TMEM170A: variants seen among roughly 807,000 people sequenced by gnomAD.
TMEM170A encodes the protein transmembrane protein 170A.
Under a neutral mutation model 12.8 loss-of-function variants are expected in TMEM170A, and 18 were observed. The ratio of observed to expected loss-of-function variants is 1.41; its 90% CI spans 0.97 to 2.09. TMEM170A has a LOEUF of 2.09. Among genes scored for constraint, TMEM170A ranks in the 30% most tolerant of loss-of-function variants. TMEM170A has a pLI of 0.00. For missense variants in TMEM170A, 220 were observed against 179.9 expected, an observed-to-expected ratio of 1.22 and a Z score of -1.28; for synonymous variants, 107 against 76.2, an observed-to-expected ratio of 1.40 and a Z score of -2.11.
In TMEM170A at chr16:75,447,449, A is replaced by C; in HGVS notation, c.*109T>G. The C allele has an allele frequency of 8.0e-7, 1 of 1,248,880 alleles. No individual in the cohort carries two copies. Among genetic ancestry groups the C allele is most frequent in the Non-Finnish European group, 1.1e-6 (1 of 943,310 alleles). The allele number at this position is 1,248,880 out of a possible 1,614,324, so 77.4% of individuals were successfully genotyped here. A position where few individuals can be genotyped will look rare whatever the true frequency, so the allele number is the denominator to read the frequency against. ...TGTGTTGTCCTTCATGTTCCTGTTC[A>C]TCCAAGTTGCTTCCCTTTGAAGAAC... On this transcript the variant is annotated 3_prime_UTR_variant, in exon 3 of 3. Transcript: ENST00000561878.
chr16:75,453,644 C>T (rs547722491), intron 1 of TMEM170A, among the ~76,000 whole-genome samples: 20 of 152,304 alleles, frequency 1.3e-4, no homozygotes, highest in African/African-American at 1.9e-4. Flanking sequence ...CAAGCCATCA[C>T]CTCCTATTAG....
intron 1 of TMEM170A, 156 bp downstream of exon 1, chr16:75,464,312 G>T: frequency 6.9e-7 from 1 of 1,455,798 alleles, no homozygotes; most frequent in Non-Finnish European, 9.0e-7. Context: ...GATGGGGAAA[G>T]GGGCTCCGGG....
intron 1 of TMEM170A, among the ~76,000 whole-genome samples, chr16:75,452,071 A>C (rs867775121): frequency 1.4e-4 from 21 of 151,934 alleles, no homozygotes; most frequent in South Asian, 4.1e-4. Flanking sequence ...TCCTGGGTTC[A>C]CACGATTCTC....
At chr16:75,455,276 G>T (rs894267621) in intron 1 of TMEM170A, among the ~76,000 whole-genome samples, 5 of 150,048 alleles carry the variant, frequency 3.3e-5, no homozygotes, top group Non-Finnish European at 7.4e-5. Context: ...AGAATAGTGT[G>T]AACTCGGGAG....
At chr16:75,464,215 T>G (rs1023715879) in intron 1 of TMEM170A, 1 of 1,505,458 alleles carries the variant, frequency 6.6e-7, no homozygotes, top group Non-Finnish European at 8.8e-7. Flanking sequence ...CCGAGCGCCC[T>G]CCAGCCCCGG....
chr16:75,462,728 G>C (rs942806518), intron 1 of TMEM170A, among the ~76,000 whole-genome samples: 3 of 152,072 alleles, frequency 2.0e-5, no homozygotes, highest in African/African-American at 7.2e-5. Context: ...TGAAACTAAA[G>C]AGACGGACAA....
Position 75,464,638 on chromosome 16 carries a change from G to T in TMEM170A, c.-38C>A, listed in dbSNP as rs905118640. 13 of 1,552,350 alleles carry T rather than the reference G, an allele frequency of 8.4e-6. No individual in the cohort carries two copies. The highest frequency in any genetic ancestry group is 1.1e-5 in the Non-Finnish European group (13 of 1,155,278). On this transcript the variant is annotated 5_prime_UTR_variant, in exon 1 of 3. Coordinates refer to ENST00000561878, the MANE Select transcript of TMEM170A (RefSeq NM_145254.3). ...CACCACAGAGAAATGAGGGACGAGC[G>T]CCCGAAGTGCGGTAGCGGCCGGCGC...
chr16:75,463,160 C>G (rs1395914169), intron 1 of TMEM170A, among the ~76,000 whole-genome samples: 1 of 152,142 alleles, frequency 6.6e-6, no homozygotes, highest in East Asian at 1.9e-4. Flanking sequence ...ACTGTTCTCT[C>G]AACTGTTTGG....
chr16:75,451,535 G>C, intron 2 of TMEM170A, 134 bp downstream of exon 2: 1 of 913,476 alleles, frequency 1.1e-6, no homozygotes, highest in Non-Finnish European at 1.7e-6. Context: ...TGGTGACATA[G>C]GGAGACCCTG....
chr16:75,459,153 C>CA (rs1293229811), intron 1 of TMEM170A, among the ~76,000 whole-genome samples: 2 of 152,206 alleles, frequency 1.3e-5, no homozygotes, highest in African/African-American at 4.8e-5. Context: ...CTTGGCCTCC[C>CA]AAAGTGCTGG....
intron 1 of TMEM170A, among the ~76,000 whole-genome samples, chr16:75,461,232 T>C (rs1181218699): frequency 6.7e-6 from 1 of 148,990 alleles, no homozygotes; most frequent in African/African-American, 2.6e-5. Context: ...TTTTGTATTT[T>C]TAGTAGAGAT....
chr16:75,445,180 C>A lies in TMEM170A; in HGVS notation c.*2378G>T, dbSNP rs2079562765. The stretch of plus-strand genomic sequence containing the variant: ...TTTAAACAAAAAACTAGAATTTTTA[C>A]AATTTGCCTGTGAGAAAGATTTGAG... On this transcript the variant is annotated 3_prime_UTR_variant, in exon 3 of 3. Transcript: ENST00000561878. The A allele has an allele frequency of 6.6e-6, 1 of 152,204 alleles. No individual in the cohort carries two copies. Among genetic ancestry groups the A allele is most frequent in the African/African-American group, 2.4e-5 (1 of 41,448 alleles). The allele number at this position is 152,204 out of a possible 1,614,324, so 9.4% of individuals were successfully genotyped here.
At chr16:75,454,900 C>T (rs1381104449) in intron 1 of TMEM170A, among the ~76,000 whole-genome samples, 1 of 152,188 alleles carries the variant, frequency 6.6e-6, no homozygotes, top group Non-Finnish European at 1.5e-5. Context: ...TCCGGGGATA[C>T]ACCCCACAGA....
At chr16:75,449,537 T>C (rs1042311195) in intron 2 of TMEM170A, among the ~76,000 whole-genome samples, 5 of 152,128 alleles carry the variant, frequency 3.3e-5, no homozygotes, top group African/African-American at 1.2e-4. Context: ...AAGGCTGGTT[T>C]TGAACTCTTG....
At chr16:75,450,057 C>A (rs1436343279) in intron 2 of TMEM170A, among the ~76,000 whole-genome samples, 3 of 151,956 alleles carry the variant, frequency 2.0e-5, no homozygotes, top group Non-Finnish European at 4.4e-5. Context: ...GGTAGTATTA[C>A]CCCTATTTTA....
In TMEM170A at chr16:75,444,135, G is replaced by A. The variant is rs370457439; in HGVS notation, c.*3423C>T. 1 of 151,416 alleles carries A rather than the reference G, an allele frequency of 6.6e-6. No homozygotes were observed. The highest frequency in any genetic ancestry group is 2.4e-5 in the African/African-American group (1 of 41,186). The allele number at this position is 151,416 out of a possible 1,614,324, so 9.4% of individuals were successfully genotyped here. On this transcript the variant is annotated 3_prime_UTR_variant, in exon 3 of 3. Transcript: ENST00000561878. ...AAGAAATCAGCTTTTATGGTCAGGAGGCTGCCTCCCTCCCTCTCTTGCATT... is the reference window on the plus strand; with the variant it reads ...AAGAAATCAGCTTTTATGGTCAGGAAGCTGCCTCCCTCCCTCTCTTGCATT...
At position 75,444,962 on chromosome 16, in the gene TMEM170A, CACTA is replaced by C. The variant is rs1232432190; in HGVS notation, c.*2592_*2595del. 1 of 152,110 alleles carries C rather than the reference CACTA, an allele frequency of 6.6e-6. No homozygotes were observed. The highest frequency in any genetic ancestry group is 1.5e-5 in the Non-Finnish European group (1 of 68,022). 9.4% of individuals were successfully genotyped at this position (152,110 alleles called of 1,614,324 possible). On this transcript the variant is annotated 3_prime_UTR_variant, in exon 3 of 3. Transcript: ENST00000561878. ...AAGTTACTGTTTAAGAGGAGGGGCC[CACTA>C]ACTACTGGTCTATATGTTTAGTGTA...
Position 75,445,830 on chromosome 16 carries a change from T to C in TMEM170A, c.*1728A>G, listed in dbSNP as rs1268355305. On this transcript the variant is annotated 3_prime_UTR_variant, in exon 3 of 3. Transcript: ENST00000561878. ...TGGAATAGATACGTTCATGTGTATA[T>C]GACCTCATGGGCTGTTAAGCCTTAA... is the stretch of plus-strand genomic sequence containing the variant. The C allele has an allele frequency of 2.0e-5, 3 of 152,118 alleles. No individual in the cohort carries two copies. The highest frequency in any genetic ancestry group is 2.9e-5 in the Non-Finnish European group (2 of 68,028). The allele number at this position is 152,118 out of a possible 1,614,324, so 9.4% of individuals were successfully genotyped here.
At chr16:75,456,891 C>A (rs2079808833) in intron 1 of TMEM170A, among the ~76,000 whole-genome samples, 1 of 152,216 alleles carries the variant, frequency 6.6e-6, no homozygotes, top group Non-Finnish European at 1.5e-5. Flanking sequence ...CCCCACACAG[C>A]ACCATGCTTC....
Sources: gnomAD v4.1 joint callset for allele counts (sites outside exome capture counted in the v4.1 genomes callset) on GRCh38, gnomAD v4.1.1 for gene constraint, MANE v1.5 for transcripts, NCBI Gene and HGNC (gene_info 2026-07-23, HGNC 2026-07-21) for gene names.